The following NRXN1 variants were observed in gnomAD, a reference collection of about 807,000 sequenced individuals.
The protein encoded by NRXN1 is neurexin 1, also known as neurexin-1.
A neutral mutation model predicts 150.9 loss-of-function variants in NRXN1; 39 were observed. The observed-to-expected ratio is 0.26, with a 90% CI of 0.20 to 0.34. The LOEUF (loss-of-function observed/expected upper bound fraction) is 0.34. Ranked by LOEUF, NRXN1 falls within the 10% of genes least tolerant of loss-of-function variation. The pLI is 1.00. For synonymous variants in NRXN1, 924 were observed against 757.0 expected, an observed-to-expected ratio of 1.22 and a Z score of -3.62; for missense variants, 1,815 against 1,949.9, an observed-to-expected ratio of 0.93 and a Z score of 1.30.
chr2:50,097,009 G>A (rs1333145345), intron 18 of NRXN1, among the ~76,000 whole-genome samples: 8 of 152,172 alleles, frequency 5.3e-5, no homozygotes, highest in African/African-American at 1.7e-4. Flanking sequence ...CCTATGAAAT[G>A]GATAAAGCAG....
intron 17 of NRXN1, among the ~76,000 whole-genome samples, chr2:50,386,351 AT>A (rs749433818): frequency 2.7e-5 from 4 of 149,322 alleles, no homozygotes; most frequent in Non-Finnish European, 4.4e-5. Context: ...ATTATCTTAG[AT>A]TTTTTTTTCA....
chr2:50,071,261 T>C (rs2077738), intron 19 of NRXN1, among the ~76,000 whole-genome samples: 8,153 of 152,228 alleles, frequency 0.054, 730 homozygotes, highest in African/African-American at 0.19. Flanking sequence ...AAATAAGCAG[T>C]TTGTTGGTAA....
chr2:50,983,381 T>A (rs1414668236), intron 2 of NRXN1, among the ~76,000 whole-genome samples: 1 of 151,842 alleles, frequency 6.6e-6, no homozygotes, highest in Non-Finnish European at 1.5e-5. Context: ...AAAGAGAGAG[T>A]GTTTCATCCC....
intron 2 of NRXN1, among the ~76,000 whole-genome samples, chr2:50,940,488 A>G (rs1689257936): frequency 1.3e-5 from 2 of 151,338 alleles, no homozygotes; most frequent in Non-Finnish European, 3.0e-5. Flanking sequence ...AAAAAAAAAA[A>G]AGAAAAGAAA....
intron 12 of NRXN1, among the ~76,000 whole-genome samples, chr2:50,513,129 T>C (rs1297012611): frequency 6.6e-6 from 1 of 152,210 alleles, no homozygotes; most frequent in Non-Finnish European, 1.5e-5. Flanking sequence ...CATAGATTTG[T>C]TGTAAGGACT....
chr2:50,341,096 C>T (rs1313249296), intron 17 of NRXN1, among the ~76,000 whole-genome samples: 2 of 152,148 alleles, frequency 1.3e-5, no homozygotes, highest in African/African-American at 4.8e-5. Flanking sequence ...AAGAGTATTC[C>T]ATAGGAGGAG....
intron 17 of NRXN1, among the ~76,000 whole-genome samples, chr2:50,378,714 A>C (rs78625442): frequency 0.012 from 1,796 of 152,292 alleles, 31 homozygotes; most frequent in African/African-American, 0.04. Context: ...CAGATGGCTC[A>C]TTCCTAATTT....
rs375548146 is a variant in NRXN1, at chr2:50,298,763, G to A, written c.3365-61793C>T. On this transcript the variant is annotated intron_variant, in intron 17 of 22. Transcript: ENST00000401669. Reference sequence around the variant, plus strand: ...TCTAATGTCTTATTCTACACATAATGTTTGTGAAATGCATGTAGCTTAGTT... The same window carrying A: ...TCTAATGTCTTATTCTACACATAATATTTGTGAAATGCATGTAGCTTAGTT... 2.6e-5 allele frequency among the ~76,000 whole-genome samples: 4 copies of A among 152,094 alleles called. No homozygotes were observed. The East Asian group carries it at 5.8e-4, about 22-fold the overall frequency.
intron 17 of NRXN1, among the ~76,000 whole-genome samples, chr2:50,421,019 T>TGTGTGTGTGTG (rs1558701218): frequency 7.4e-6 from 1 of 134,822 alleles, no homozygotes; most frequent in Non-Finnish European, 1.6e-5. Flanking sequence ...TGTGTGTGTG[T>TGTGTGTGTGTG]TTCACATTGT....
chr2:50,606,367 C>A (rs1677118083), intron 8 of NRXN1, among the ~76,000 whole-genome samples: 1 of 151,366 alleles, frequency 6.6e-6, no homozygotes, highest in Non-Finnish European at 1.5e-5. Flanking sequence ...CTGCATGATT[C>A]CACTTACAAG....
At chr2:49,996,620 A>G (rs1391769661) in intron 21 of NRXN1, among the ~76,000 whole-genome samples, 1 of 152,194 alleles carries the variant, frequency 6.6e-6, no homozygotes, top group Non-Finnish European at 1.5e-5. Context: ...AATCAGAGTC[A>G]GAGAGAGAGC....
Position 50,554,521 on chromosome 2 carries a change from A to G in NRXN1, c.1321-1496T>C, listed in dbSNP as rs551058185. On this transcript the variant is annotated intron_variant, in intron 8 of 22. Coordinates refer to ENST00000401669, the MANE Select transcript of NRXN1 (RefSeq NM_001330078.2). ...GAAAATAATACTTCACATAATGGTT[A>G]TAACAATTAAATAAGAAAATACACA... The G allele has an allele frequency of 3.3e-5, 5 of 152,332 alleles. No individual in the cohort carries two copies. In the Middle Eastern group the frequency reaches 0.017, roughly 518 times the overall value. 9.4% of individuals were successfully genotyped at this position (152,332 alleles called of 1,614,324 possible). A position where few individuals can be genotyped will look rare whatever the true frequency, so the allele number is the denominator to read the frequency against.
intron 5 of NRXN1, among the ~76,000 whole-genome samples, chr2:50,707,547 G>C (rs1694613265): frequency 6.6e-6 from 1 of 152,042 alleles, no homozygotes; most frequent in South Asian, 2.1e-4. Context: ...CAGTCAAACA[G>C]CTTTTTATCA....
At chr2:50,824,474 CTT>C (rs1315832628) in intron 5 of NRXN1, among the ~76,000 whole-genome samples, 1 of 151,996 alleles carries the variant, frequency 6.6e-6, no homozygotes, top group Non-Finnish European at 1.5e-5. Context: ...TTCCTAAAAT[CTT>C]ATGATTTCAC....
At chr2:50,054,262 T>C (rs1228939021) in intron 20 of NRXN1, among the ~76,000 whole-genome samples, 6 of 152,006 alleles carry the variant, frequency 3.9e-5, no homozygotes, top group African/African-American at 1.4e-4. Context: ...AAAAAATAGC[T>C]TCAGATGTAA....
intron 2 of NRXN1, among the ~76,000 whole-genome samples, chr2:50,997,460 T>G (rs1699477671): frequency 6.9e-6 from 1 of 144,110 alleles, no homozygotes; most frequent in Non-Finnish European, 1.5e-5. Context: ...GATTAAAATT[T>G]TCCAAAGGAA....
chr2:50,426,806 C>T lies in NRXN1; in HGVS notation c.3364+38636G>A, dbSNP rs77831050. Among the ~76,000 whole-genome samples, 8 of 152,262 alleles carry T rather than the reference C, an allele frequency of 5.3e-5. No homozygotes were observed. In the East Asian group the frequency reaches 1.5e-3, roughly 29 times the overall value. ...GGTATAATACATTTCAAATGAGGTCCCTTTGTCATGCCACCATCATAATTG... is the reference window on the plus strand; with the variant it reads ...GGTATAATACATTTCAAATGAGGTCTCTTTGTCATGCCACCATCATAATTG... On this transcript the variant is annotated intron_variant, in intron 17 of 22. Transcript: ENST00000401669.
intron 18 of NRXN1, among the ~76,000 whole-genome samples, chr2:50,216,765 A>G (rs1279020866): frequency 2.6e-5 from 4 of 152,074 alleles, no homozygotes; most frequent in African/African-American, 9.7e-5. Context: ...TTAATGATCA[A>G]TGATGCCACG....
chr2:50,267,601 A>G (rs2069048811), intron 17 of NRXN1, among the ~76,000 whole-genome samples: 1 of 152,140 alleles, frequency 6.6e-6, no homozygotes, highest in Non-Finnish European at 1.5e-5. Context: ...AATTACCACA[A>G]CATTGTCACG....
Sources: allele counts gnomAD v4.1 joint callset (sites outside exome capture counted in the v4.1 genomes callset), GRCh38; gene constraint gnomAD v4.1.1; transcripts MANE v1.5; gene names NCBI Gene and HGNC (gene_info 2026-07-23, HGNC 2026-07-21).